TREH: variants seen among roughly 807,000 people sequenced by gnomAD.
TREH encodes the protein trehalase, also known as alpha,alpha-trehalose glucohydrolase.
In TREH, 69 loss-of-function variants were observed where a neutral mutation model predicts 80.5. That is an observed-to-expected ratio of 0.86 (90% CI 0.71 to 1.05). The LOEUF (loss-of-function observed/expected upper bound fraction) is 1.05, where lower values mean the gene tolerates loss of function less well. Among genes scored for constraint, TREH ranks in the 50% least tolerant of loss-of-function variants. The pLI, the probability that TREH is intolerant of heterozygous loss-of-function variation, is 0.00. For missense variants in TREH, 716 were observed against 718.8 expected, an observed-to-expected ratio of 1.00 and a Z score of 0.04; for synonymous variants, 309 against 293.5, an observed-to-expected ratio of 1.05 and a Z score of -0.54.
intron 1 of TREH, among the ~76,000 whole-genome samples, chr11:118,666,018 A>G (rs1220546151): frequency 6.6e-6 from 1 of 152,224 alleles, no homozygotes; most frequent in Non-Finnish European, 1.5e-5. Flanking sequence ...CGGGTGGATC[A>G]GGAGGTCAGG....
chr11:118,658,671 C>G lies in TREH; in HGVS notation c.1599+9G>C. ...CTGGTGTTGGCCAGCCCACCCCTGG[C>G]CTGCTCACCTGAACTTCATATTCTC... is the stretch of plus-strand genomic sequence containing the variant. On this transcript the variant is annotated intron_variant, in intron 14 of 14. Coordinates refer to ENST00000264029, the MANE Select transcript of TREH (RefSeq NM_007180.3). 3.2e-6 allele frequency: 5 copies of G among 1,585,016 alleles called. No individual in the cohort carries two copies. The highest frequency in any genetic ancestry group is 4.3e-6 in the Non-Finnish European group (5 of 1,165,348).
chr11:118,659,419 C>T lies in TREH; in HGVS notation c.1383G>A (p.Gln461=), dbSNP rs1555144322. Residue 461 remains glutamine, a synonymous_variant, in exon 12 of 15, where the codon CAG becomes CAA. Coordinates refer to ENST00000264029, the MANE Select transcript of TREH (RefSeq NM_007180.3). Reference sequence around the variant, plus strand: ...GGGCCCAGGCATTGGGGAAATCCCACTGCTGGCCTGTCTTCTGGAGAGAGG... The same window carrying T: ...GGGCCCAGGCATTGGGGAAATCCCATTGCTGGCCTGTCTTCTGGAGAGAGG... ...IPTSLQKTGQ[Q]WDFPNAWAPL... The T allele has an allele frequency of 6.2e-7, 1 of 1,607,242 alleles. No individual in the cohort carries two copies. Among genetic ancestry groups the T allele is most frequent in the Non-Finnish European group, 8.5e-7 (1 of 1,176,582 alleles).
rs1555144967 is a variant in TREH, at chr11:118,661,514, C to T, written c.618-5G>A. 1.2e-6 allele frequency: 2 copies of T among 1,613,274 alleles called. No individual in the cohort carries two copies. The highest frequency in any genetic ancestry group is 1.7e-6 in the Non-Finnish European group (2 of 1,179,546). On this transcript the variant is annotated splice_polypyrimidine_tract_variant and splice_region_variant and intron_variant, in intron 6 of 14. Coordinates refer to ENST00000264029, the MANE Select transcript of TREH (RefSeq NM_007180.3). The surrounding 1 kb of genome is among the most constrained non-coding windows in gnomAD (Gnocchi z 4.2). ...CCATTGGGGACATGCCCATAGCTGC[C>T]AAGGGGAAGGCCTGCTGAGATGCCC...
At chr11:118,660,050 G>A (rs986044460) in intron 10 of TREH, 86 bp from the exon 11 acceptor site, 12 of 1,278,348 alleles carry the variant, frequency 9.4e-6, no homozygotes, top group Admixed American at 6.6e-5. Flanking sequence ...TAGCCTCCCC[G>A]CTTTGTGTTT....
intron 1 of TREH, among the ~76,000 whole-genome samples, chr11:118,673,950 G>A (rs1410194117): frequency 6.6e-6 from 1 of 152,138 alleles, no homozygotes; most frequent in East Asian, 1.9e-4. Flanking sequence ...CTGTCCAATT[G>A]GCAATAGAAT....
intron 4 of TREH, among the ~76,000 whole-genome samples, chr11:118,662,345 C>G (rs1163048065): frequency 2.0e-5 from 3 of 152,254 alleles, no homozygotes; most frequent in African/African-American, 7.2e-5. Flanking sequence ...CTCTACTCCC[C>G]ATCCTTGCTG....
chr11:118,660,767 G>C lies in TREH; in HGVS notation c.908-34C>G, dbSNP rs572792365. On this transcript the variant is annotated intron_variant, in intron 9 of 14. Transcript: ENST00000264029. ...ACAGAGCAGGGAACCAGCCAGTCCC[G>C]GCTGCAGGATAGGCAGCCATTGACA... The C allele has an allele frequency of 1.9e-6, 3 of 1,552,050 alleles. No homozygotes were observed. The African/African-American group carries it at 4.1e-5, about 21-fold the overall frequency.
chr11:118,658,654 G>C (rs1555144030), intron 14 of TREH, 26 bp downstream of exon 14: 4 of 1,568,886 alleles, frequency 2.5e-6, no homozygotes, highest in Non-Finnish European at 3.5e-6. Flanking sequence ...CCCTGGTGTT[G>C]GCCAGCCCAC....
chr11:118,661,335 C>T lies in TREH; in HGVS notation c.735-53G>A. The T allele has an allele frequency of 1.2e-6, 2 of 1,613,926 alleles. No individual in the cohort carries two copies. The highest frequency in any genetic ancestry group is 1.6e-4 in the Middle Eastern group (1 of 6,062). On this transcript the variant is annotated intron_variant, in intron 7 of 14. Coordinates refer to ENST00000264029, the MANE Select transcript of TREH (RefSeq NM_007180.3). This position sits in a 1 kb window ranked among gnomAD's most constrained non-coding sequence, Gnocchi z 4.2. ...CCAGGCGTGCTGCCCATCCCCAGCCCTGAGAGGTCTGAGGGATGGGTGGGT... is the reference window on the plus strand; with the variant it reads ...CCAGGCGTGCTGCCCATCCCCAGCCTTGAGAGGTCTGAGGGATGGGTGGGT...
chr11:118,665,618 C>A (rs1258643436), intron 1 of TREH, among the ~76,000 whole-genome samples: 1 of 152,040 alleles, frequency 6.6e-6, no homozygotes, highest in Non-Finnish European at 1.5e-5. Context: ...CCAGCCTGGG[C>A]AACAGAGCGA....
At chr11:118,659,669 T>G in intron 11 of TREH, 78 bp downstream of exon 11, 1 of 1,501,828 alleles carries the variant, frequency 6.7e-7, no homozygotes, top group African/African-American at 1.4e-5. Context: ...GGAAGCGCCC[T>G]CCCCTGCAGG....
In TREH at chr11:118,661,571, G is replaced by C. The variant is rs1949322324; in HGVS notation, c.618-62C>G. On this transcript the variant is annotated intron_variant, in intron 6 of 14. Coordinates refer to ENST00000264029, the MANE Select transcript of TREH (RefSeq NM_007180.3). The surrounding 1 kb of genome is among the most constrained non-coding windows in gnomAD (Gnocchi z 4.2). ...CAGCAACTGGCACCAAGGCAATCCA[G>C]CTGCATGCCCGTGGCACACCTGCCT... 1 of 1,612,632 alleles carries C rather than the reference G, an allele frequency of 6.2e-7. No homozygotes were observed. Among genetic ancestry groups the C allele is most frequent in the Non-Finnish European group, 8.5e-7 (1 of 1,179,032 alleles).
rs782476355 is a variant in TREH, at chr11:118,658,253, G to C, written c.*36C>G. The C allele has an allele frequency of 3.7e-4, 585 of 1,562,996 alleles. No homozygotes were observed. The highest frequency in any genetic ancestry group is 4.8e-4 in the Non-Finnish European group (551 of 1,154,162). ...AGGAACTGGTGCAGAGGTTTAATGG[G>C]GCAGGAGCTGGGGCCAGGTGAGGAG... On this transcript the variant is annotated 3_prime_UTR_variant, in exon 15 of 15. Transcript: ENST00000264029.
chr11:118,672,192 C>T (rs911033242), intron 1 of TREH, among the ~76,000 whole-genome samples: 4 of 150,320 alleles, frequency 2.7e-5, no homozygotes, highest in Non-Finnish European at 4.4e-5. Context: ...TTGAGGAGTT[C>T]GAGACCAACC....
At position 118,675,739 on chromosome 11, in the gene TREH, T is replaced by C. The variant is rs187348197; in HGVS notation, c.89+3800A>G. On this transcript the variant is annotated intron_variant, in intron 1 of 14. Transcript: ENST00000264029. ...TGTTTGTTGAGACAGGGTCTCACTC[T>C]GTCACCTAGGCTGGAGTGCAGTGGT... 2.7e-3 allele frequency among the ~76,000 whole-genome samples: 408 copies of C among 152,336 alleles called. 3 individuals are homozygous for C. The highest frequency in any genetic ancestry group is 8.0e-3 in the African/African-American group (333 of 41,578).
chr11:118,660,511 G>T, intron 10 of TREH, 28 bp downstream of exon 10: 1 of 1,558,226 alleles, frequency 6.4e-7, no homozygotes, highest in Non-Finnish European at 8.7e-7. Flanking sequence ...CAAGCTCCCT[G>T]CTTTCCCTTC....
chr11:118,659,041 T>C (rs1219765425), intron 12 of TREH, 24 bp from the exon 13 acceptor site: 43 of 1,608,134 alleles, frequency 2.7e-5, no homozygotes, highest in Non-Finnish European at 3.6e-5. Context: ...CAGGCAGGAC[T>C]CAACCTCCAG....
chr11:118,672,770 T>C (rs546921687), intron 1 of TREH, among the ~76,000 whole-genome samples: 13 of 131,618 alleles, frequency 9.9e-5, no homozygotes, highest in Non-Finnish European at 1.7e-5. Context: ...TCACTGGTAA[T>C]AGTAAGCACA....
chr11:118,659,925 G>A lies in TREH; in HGVS notation c.1142C>T (p.Ser381Leu), dbSNP rs1555144540. Residue 381 changes from serine (S) to leucine (L), a missense_variant, in exon 11 of 15, where the codon TCG becomes TTG. Coordinates refer to ENST00000264029, the MANE Select transcript of TREH (RefSeq NM_007180.3). ...TGTGTTCAGGGCGGCCAAGCGCTGC[G>A]ACCGCAGGATTCTGTACTTCGTGGC... ...SQATKYRILR[S>L]QRLAALNTVL... The A allele has an allele frequency of 6.4e-6, 10 of 1,551,510 alleles. No individual in the cohort carries two copies. The highest frequency in any genetic ancestry group is 1.7e-4 in the Middle Eastern group (1 of 6,014).
Sources: allele counts gnomAD v4.1 joint callset (sites outside exome capture counted in the v4.1 genomes callset), GRCh38; gene constraint gnomAD v4.1.1; non-coding constraint Gnocchi (gnomAD v3.1); transcripts MANE v1.5; gene names NCBI Gene and HGNC (gene_info 2026-07-23, HGNC 2026-07-21).